SREK1IP1: variants seen among roughly 807,000 people sequenced by gnomAD.
SREK1IP1 encodes SREK1 interacting protein 1.
In SREK1IP1, 12 loss-of-function variants were observed where a neutral mutation model predicts 22.8. The observed-to-expected ratio is 0.53, with a 90% CI of 0.34 to 0.85. The LOEUF (loss-of-function observed/expected upper bound fraction) is 0.85, where lower values mean the gene tolerates loss of function less well. SREK1IP1 is among the 40% of genes least tolerant of loss of function. SREK1IP1 has a pLI of 0.02. For synonymous variants in SREK1IP1, 53 were observed against 52.7 expected (o/e 1.01, Z -0.02); for missense variants, 147 against 171.8 (o/e 0.86, Z 0.81).
rs562423768 is a variant in SREK1IP1, at chr5:64,741,279, C to T, written c.62-79G>A. 1,152 of 1,292,674 alleles carry T rather than the reference C, an allele frequency of 8.9e-4. 2 individuals carry two copies. In the Middle Eastern group the frequency reaches 0.013, roughly 14 times the overall value. The allele number at this position is 1,292,674 out of a possible 1,614,324, so 80.1% of individuals were successfully genotyped here. ...TATTTTTGTATGTTTTGCTGCCTCA[C>T]GGTAACCAGTAAGTTACAATTTCAA... On this transcript the variant is annotated intron_variant, in intron 2 of 4. Coordinates refer to ENST00000513458, the MANE Select transcript of SREK1IP1 (RefSeq NM_173829.4).
In SREK1IP1 at chr5:64,743,106, G is replaced by A. The variant is rs567361056; in HGVS notation, c.62-1906C>T. On this transcript the variant is annotated intron_variant, in intron 2 of 4. Transcript: ENST00000513458. The stretch of plus-strand genomic sequence containing the variant: ...GTGGCCTAGGATGTAGTAAATTTAG[G>A]AAAGATTTGTTATGTATTTTGAAAA... Among the ~76,000 whole-genome samples the A allele has an allele frequency of 6.0e-4, 92 of 152,192 alleles. 1 individual carries two copies. Among genetic ancestry groups the A allele is most frequent in the Non-Finnish European group, 1.2e-4 (8 of 68,008 alleles).
chr5:64,731,521 C>CAAAA (rs10599290), intron 3 of SREK1IP1, among the ~76,000 whole-genome samples: 7 of 74,684 alleles, frequency 9.4e-5, no homozygotes, highest in African/African-American at 2.8e-4. Context: ...GCCCTTGTCT[C>CAAAA]AAAAAAAAAA....
At position 64,741,113 on chromosome 5, in the gene SREK1IP1, T is replaced by A. The variant is rs907011415; in HGVS notation, c.149A>T (p.Glu50Val). The A allele has an allele frequency of 1.2e-6, 2 of 1,613,116 alleles. No individual in the cohort carries two copies. The highest frequency in any genetic ancestry group is 1.7e-6 in the Non-Finnish European group (2 of 1,179,438). Residue 50 changes from glutamate to valine, a missense_variant, in exon 3 of 5, where the codon GAA becomes GTA. By Grantham distance (121) the Glu-to-Val change is moderately radical (BLOSUM62 -2). Coordinates refer to ENST00000513458, the MANE Select transcript of SREK1IP1 (RefSeq NM_173829.4). The part of the protein sequence containing the change: ...IVLDVSSTSS[E>V]DSDEENEELN... ...TTCTTCATTCTCTTCATCGCTATCT[T>A]CACTACTTGTACTGCTGACATCCAA...
At chr5:64,751,468 A>G (rs1742739016) in intron 2 of SREK1IP1, among the ~76,000 whole-genome samples, 1 of 152,272 alleles carries the variant, frequency 6.6e-6, no homozygotes, top group Non-Finnish European at 1.5e-5. Context: ...TGACAAATTC[A>G]GCAATGGCAA....
intron 2 of SREK1IP1, among the ~76,000 whole-genome samples, chr5:64,747,480 A>C (rs1422373159): frequency 6.6e-6 from 1 of 151,812 alleles, no homozygotes; most frequent in African/African-American, 2.4e-5. Context: ...TGTGTCAAGA[A>C]CCAGGGACAA....
In SREK1IP1 at chr5:64,768,597, A is replaced by C. The variant is rs1299286481; in HGVS notation, c.-80T>G. On this transcript the variant is annotated 5_prime_UTR_variant, in exon 1 of 5. Transcript: ENST00000513458. ...CCCGCCAGCTGTGAGAACAAGGCAC[A>C]GTCAAAGCGGCGTTTTCCTTCCCCC... The C allele has an allele frequency of 6.2e-6, 10 of 1,606,966 alleles. No individual in the cohort carries two copies. The Admixed American group carries it at 1.3e-4, about 22-fold the overall frequency.
At chr5:64,735,298 T>C (rs1438610827) in intron 3 of SREK1IP1, among the ~76,000 whole-genome samples, 3 of 152,092 alleles carry the variant, frequency 2.0e-5, no homozygotes, top group Non-Finnish European at 4.4e-5. Flanking sequence ...AAAATTCTCT[T>C]AAGAATTTTT....
intron 4 of SREK1IP1, 85 bp from the exon 5 acceptor site, chr5:64,724,658 T>C (rs543969349): frequency 1.8e-6 from 2 of 1,083,178 alleles, no homozygotes; most frequent in South Asian, 4.4e-5. Context: ...CCTTAAATTC[T>C]TCTTGGAGTA....
At chr5:64,757,739 T>G (rs955729567) in intron 1 of SREK1IP1, among the ~76,000 whole-genome samples, 5 of 152,122 alleles carry the variant, frequency 3.3e-5, no homozygotes, top group African/African-American at 1.2e-4. Flanking sequence ...CTTCTGAAGC[T>G]CACTTGCACA....
intron 4 of SREK1IP1, 93 bp from the exon 5 acceptor site, chr5:64,724,666 G>T: frequency 1.0e-6 from 1 of 980,158 alleles, no homozygotes; most frequent in Non-Finnish European, 1.5e-6. Context: ...TCTTCTTGGA[G>T]TAAGGTAGGG....
rs1742234108 is a variant in SREK1IP1, at chr5:64,724,664, G to A, written c.279-91C>T. ...TTTGAACTGCCTTAAATTCTTCTTG[G>A]AGTAAGGTAGGGAGTATAAACATAA... On this transcript the variant is annotated intron_variant, in intron 4 of 4. Transcript: ENST00000513458. The A allele has an allele frequency of 4.0e-6, 4 of 1,012,170 alleles. No individual in the cohort carries two copies. The South Asian group carries it at 9.2e-5, about 23-fold the overall frequency. 62.7% of individuals were successfully genotyped at this position (1,012,170 alleles called of 1,614,324 possible).
intron 3 of SREK1IP1, among the ~76,000 whole-genome samples, chr5:64,729,657 G>A (rs1347697274): frequency 6.6e-6 from 1 of 152,122 alleles, no homozygotes; most frequent in East Asian, 1.9e-4. Flanking sequence ...GAAAAGGCAG[G>A]GGAATAATAA....
In SREK1IP1 at chr5:64,749,100, TAATAATAAA is replaced by T. The variant is rs1254427181; in HGVS notation, c.61+5206_61+5214del. Among the ~76,000 whole-genome samples the T allele has an allele frequency of 5.7e-4, 81 of 141,126 alleles. No homozygotes were observed. The East Asian group carries it at 0.013, about 23-fold the overall frequency. 92.6% of individuals were successfully genotyped at this position (141,126 alleles called of 152,430 possible). On this transcript the variant is annotated intron_variant, in intron 2 of 4. Transcript: ENST00000513458. ...ATAATAATAATAATAATAATAATAA[TAATAATAAA>T]AACCCTCCAGTTTCATGTTTCATTT...
At chr5:64,744,561 T>C (rs926501880) in intron 2 of SREK1IP1, among the ~76,000 whole-genome samples, 4 of 152,286 alleles carry the variant, frequency 2.6e-5, no homozygotes, top group Middle Eastern at 3.4e-3. Context: ...TTGTTTATTA[T>C]TCGTTGGGTA....
At chr5:64,762,575 C>T (rs760009737) in intron 1 of SREK1IP1, among the ~76,000 whole-genome samples, 3 of 152,104 alleles carry the variant, frequency 2.0e-5, no homozygotes, top group Non-Finnish European at 4.4e-5. Context: ...TTCATAGACA[C>T]ACTCCTTTCT....
intron 3 of SREK1IP1, among the ~76,000 whole-genome samples, chr5:64,731,521 CAA>C (rs10599290): frequency 0.11 from 8,148 of 74,532 alleles, 951 homozygotes; most frequent in African/African-American, 0.31. Context: ...GCCCTTGTCT[CAA>C]AAAAAAAAAA....
chr5:64,732,998 T>C (rs955604999), intron 3 of SREK1IP1, among the ~76,000 whole-genome samples: 2 of 150,740 alleles, frequency 1.3e-5, no homozygotes, highest in East Asian at 1.9e-4. Flanking sequence ...TGAACACCCA[T>C]AGGCAAAATA....
intron 3 of SREK1IP1, among the ~76,000 whole-genome samples, chr5:64,733,201 T>G (rs1175878761): frequency 6.6e-6 from 1 of 152,036 alleles, no homozygotes; most frequent in African/African-American, 2.4e-5. Flanking sequence ...TCATCAAAAT[T>G]AAAAACTACT....
At chr5:64,745,165 T>G (rs1183490827) in intron 2 of SREK1IP1, among the ~76,000 whole-genome samples, 1 of 152,192 alleles carries the variant, frequency 6.6e-6, no homozygotes, top group Admixed American at 6.5e-5. Context: ...TCCCTTTCAT[T>G]CTTTTGAGTT....
Sources: gnomAD v4.1 joint callset for allele counts (sites outside exome capture counted in the v4.1 genomes callset) on GRCh38, gnomAD v4.1.1 for gene constraint, MANE v1.5 for transcripts, NCBI Gene and HGNC (gene_info 2026-07-23, HGNC 2026-07-21) for gene names.